AP3M2: variants seen among roughly 807,000 people sequenced by gnomAD.
The protein encoded by AP3M2 is adaptor related protein complex 3 subunit mu 2.
In AP3M2, 28 loss-of-function variants were observed where a neutral mutation model predicts 41.6. The ratio of observed to expected loss-of-function variants is 0.67; its 90% CI spans 0.50 to 0.92. AP3M2 has a LOEUF of 0.92. Ranked by LOEUF, AP3M2 falls within the 40% of genes least tolerant of loss-of-function variation. The pLI, the probability that AP3M2 is intolerant of heterozygous loss-of-function variation, is 0.00. For missense variants in AP3M2, 427 were observed against 521.4 expected (o/e 0.82, Z 1.76); for synonymous variants, 193 against 186.4 (o/e 1.04, Z -0.29).
At chr8:42,158,558 G>A (rs1403694734) in intron 3 of AP3M2, among the ~76,000 whole-genome samples, 1 of 151,776 alleles carries the variant, frequency 6.6e-6, no homozygotes, top group Non-Finnish European at 1.5e-5. Context: ...CCCTCTTGTA[G>A]ACTGAGTACA....
chr8:42,165,365 T>G (rs1248395949), intron 5 of AP3M2, 62 bp from the exon 6 acceptor site: 2 of 1,582,676 alleles, frequency 1.3e-6, no homozygotes, highest in African/African-American at 1.4e-5. Flanking sequence ...TAAATTGCTT[T>G]CCTGAAAGCA....
rs1274239153 is a variant in AP3M2, at chr8:42,167,819, C to T, written c.1156+9C>T. On this transcript the variant is annotated intron_variant, in intron 8 of 8. Transcript: ENST00000396926. ...GCAGCTGGCCATTTCTGGTAAGTGA[C>T]CCAGAGCTCAAGAGGCTCCAAAGGG... 1.2e-6 allele frequency: 2 copies of T among 1,609,972 alleles called. No individual in the cohort carries two copies.
chr8:42,170,632 G>A lies in AP3M2; in HGVS notation c.*1571G>A, dbSNP rs1423250285. 6.6e-6 allele frequency: 1 copy of A among 152,240 alleles called. No homozygotes were observed. The highest frequency in any genetic ancestry group is 6.5e-5 in the Admixed American group (1 of 15,286). 9.4% of individuals were successfully genotyped at this position (152,240 alleles called of 1,614,324 possible). ...TGCTAGTTTTATCTTCTGACTTTGG[G>A]ACTAGTTTTTGCTGCAGAGTTGTGT... On this transcript the variant is annotated 3_prime_UTR_variant, in exon 9 of 9. Coordinates refer to ENST00000396926, the MANE Select transcript of AP3M2 (RefSeq NM_006803.4).
chr8:42,157,067 C>T (rs573800553), intron 2 of AP3M2, among the ~76,000 whole-genome samples: 4 of 152,284 alleles, frequency 2.6e-5, no homozygotes, highest in Non-Finnish European at 4.4e-5. Flanking sequence ...TTGCATGACC[C>T]TCTCAGAGGT....
At chr8:42,155,642 A>G (rs141671506) in intron 2 of AP3M2, 2,693 of 171,532 alleles carry the variant, frequency 0.016, 75 homozygotes, top group African/African-American at 0.062. Context: ...TTTGCAGCAC[A>G]GGAGTTCAGA....
intron 7 of AP3M2, 74 bp downstream of exon 7, chr8:42,167,445 T>G: frequency 1.3e-6 from 2 of 1,543,312 alleles, no homozygotes; most frequent in Non-Finnish European, 8.9e-7. Context: ...GTGTAGACTC[T>G]AGACCTTGTT....
rs1804319634 is a variant in AP3M2, at chr8:42,155,017, GT to G, written c.273+60del. 5.6e-6 allele frequency: 8 copies of G among 1,423,502 alleles called. No individual in the cohort carries two copies. In the Admixed American group the frequency reaches 7.6e-5, roughly 13 times the overall value. 88.2% of individuals were successfully genotyped at this position (1,423,502 alleles called of 1,614,324 possible). ...AACCGTAAAGTGTCTTTGTAGTCCT[GT>G]TTCCATTGTGTAAAGCCTCCATTAA... is the stretch of plus-strand genomic sequence containing the variant. On this transcript the variant is annotated intron_variant, in intron 2 of 8. Coordinates refer to ENST00000396926, the MANE Select transcript of AP3M2 (RefSeq NM_006803.4).
chr8:42,169,293 A>T lies in AP3M2; in HGVS notation c.*232A>T, dbSNP rs757972473. On this transcript the variant is annotated 3_prime_UTR_variant, in exon 9 of 9. Coordinates refer to ENST00000396926, the MANE Select transcript of AP3M2 (RefSeq NM_006803.4). ...CCAGTTCTCAAGGACAAGGTGTGTG[A>T]TGGGGGTAGGAAGCTTGGTGCTTAT... 1.5e-5 allele frequency: 6 copies of T among 394,348 alleles called. No homozygotes were observed. Among genetic ancestry groups the T allele is most frequent in the African/African-American group, 6.2e-5 (3 of 48,086 alleles). 24.4% of individuals were successfully genotyped at this position (394,348 alleles called of 1,614,324 possible).
intron 2 of AP3M2, chr8:42,156,147 C>A: frequency 2.5e-6 from 1 of 395,198 alleles, no homozygotes; most frequent in South Asian, 1.8e-5. Context: ...ATACTTTACT[C>A]ATTCTGAGAT....
chr8:42,165,403 C>G (rs1804611835), intron 5 of AP3M2, 24 bp from the exon 6 acceptor site: 1 of 1,610,604 alleles, frequency 6.2e-7, no homozygotes, highest in East Asian at 2.2e-5. Context: ...CCACTTCTTG[C>G]TTCTCCTCTC....
intron 8 of AP3M2, 116 bp downstream of exon 8, chr8:42,167,926 C>T (rs2129646154): frequency 7.9e-7 from 1 of 1,260,724 alleles, no homozygotes; most frequent in Non-Finnish European, 1.1e-6. Context: ...AGTTTCATTA[C>T]CTGATAAACA....
intron 5 of AP3M2, 75 bp from the exon 6 acceptor site, chr8:42,165,352 A>G: frequency 6.4e-7 from 1 of 1,556,034 alleles, no homozygotes; most frequent in Non-Finnish European, 8.8e-7. Flanking sequence ...TAAAAACAGC[A>G]TTTAAATTGC....
At chr8:42,158,212 T>A in intron 3 of AP3M2, 100 bp downstream of exon 3, 1 of 1,285,400 alleles carries the variant, frequency 7.8e-7, no homozygotes. Flanking sequence ...TTTGGGGATC[T>A]CAGGTGTCCC....
rs79038562 is a variant in AP3M2 at position 42,164,021 on chromosome 8, G to A, written c.584-1050G>A. Among the ~76,000 whole-genome samples, 1,259 of 152,328 alleles carry A rather than the reference G, an allele frequency of 8.3e-3. 19 individuals are homozygous for A. Among genetic ancestry groups the A allele is most frequent in the African/African-American group, 0.029 (1,190 of 41,564 alleles). On this transcript the variant is annotated intron_variant, in intron 4 of 8. Transcript: ENST00000396926. ...AGAGCGATGAGTCTGGCTGCTGTGT[G>A]AAGAATGGCCTGAAGTGGGGTGGGC... is the stretch of plus-strand genomic sequence containing the variant.
intron 4 of AP3M2, 63 bp downstream of exon 4, chr8:42,162,481 C>T: frequency 1.3e-6 from 2 of 1,518,002 alleles, no homozygotes; most frequent in South Asian, 2.6e-5. Context: ...TCATATAATG[C>T]TTGTAGTTTC....
chr8:42,164,284 C>T (rs912826497), intron 4 of AP3M2, among the ~76,000 whole-genome samples: 6 of 152,084 alleles, frequency 3.9e-5, no homozygotes, highest in Admixed American at 1.3e-4. Context: ...ATGGGAGCAC[C>T]GGGTTCAGGG....
At chr8:42,168,436 A>C (rs1804700149) in intron 8 of AP3M2, among the ~76,000 whole-genome samples, 1 of 152,188 alleles carries the variant, frequency 6.6e-6, no homozygotes, top group South Asian at 2.1e-4. Flanking sequence ...TTTTCTGTAC[A>C]AACGGGCCTT....
In AP3M2 at chr8:42,171,129, CAT is replaced by C. The variant is rs747126193; in HGVS notation, c.*2069_*2070del. 7.2e-5 allele frequency: 11 copies of C among 152,246 alleles called. No homozygotes were observed. The highest frequency in any genetic ancestry group is 1.6e-4 in the Non-Finnish European group (11 of 68,064). The allele number at this position is 152,246 out of a possible 1,614,324, so 9.4% of individuals were successfully genotyped here. On this transcript the variant is annotated 3_prime_UTR_variant, in exon 9 of 9. Coordinates refer to ENST00000396926, the MANE Select transcript of AP3M2 (RefSeq NM_006803.4). ...GCTGTTTGGTTCCATGTGTGTTTAA[CAT>C]GTGCAGAAGTAGCTTCTCTGTTTAA...
At chr8:42,167,628 T>A (rs1564119480) in intron 7 of AP3M2, 38 bp from the exon 8 acceptor site, 1 of 1,590,980 alleles carries the variant, frequency 6.3e-7, no homozygotes, top group Non-Finnish European at 8.5e-7. Flanking sequence ...TAACTATTTT[T>A]TGGAAAGACC....
Sources: allele counts gnomAD v4.1 joint callset (sites outside exome capture counted in the v4.1 genomes callset), GRCh38; gene constraint gnomAD v4.1.1; transcripts MANE v1.5; gene names NCBI Gene and HGNC (gene_info 2026-07-23, HGNC 2026-07-21).